The following ACO1 variants were observed in gnomAD, a reference collection of about 807,000 sequenced individuals.
ACO1 encodes the protein cytoplasmic aconitate hydratase.
Under a neutral mutation model 105.1 loss-of-function variants are expected in ACO1, and 78 were observed. That is an observed-to-expected ratio of 0.74 (90% CI 0.62 to 0.90). The LOEUF is 0.90. Among genes scored for constraint, ACO1 ranks in the 40% least tolerant of loss-of-function variants. The probability of loss-of-function intolerance (pLI) is 0.00; values close to 1 mark genes in which losing one functional copy is unlikely to be tolerated. For synonymous variants in ACO1, 364 were observed against 397.4 expected (o/e 0.92, Z 1.00); for missense variants, 965 against 1,111.1 (o/e 0.87, Z 1.87).
At chr9:32,415,676 T>A (rs900731986) in intron 4 of ACO1, among the ~76,000 whole-genome samples, 3 of 152,148 alleles carry the variant, frequency 2.0e-5, no homozygotes, top group African/African-American at 7.2e-5. Context: ...CTGATGCCGG[T>A]GTCGGTGCAG....
intron 1 of ACO1, among the ~76,000 whole-genome samples, chr9:32,388,965 C>G (rs912220803): frequency 2.0e-5 from 3 of 152,086 alleles, no homozygotes; most frequent in Non-Finnish European, 4.4e-5. Flanking sequence ...CAGCTCTGAA[C>G]TTGTATATAT....
Position 32,384,731 on chromosome 9 carries a change from C to T in ACO1, c.-27C>T, listed in dbSNP as rs1406601612. The stretch of plus-strand genomic sequence containing the variant: ...GGTCGCGGGAGCCCCGCCGTGCAGT[C>T]GGAGGTGAGTACCGACGCGGCCCGA... On this transcript the variant is annotated 5_prime_UTR_variant, in exon 1 of 21. Coordinates refer to ENST00000309951, the MANE Select transcript of ACO1 (RefSeq NM_002197.3). 1 of 405,100 alleles carries T rather than the reference C, an allele frequency of 2.5e-6. No individual in the cohort carries two copies. The allele number at this position is 405,100 out of a possible 1,614,324, so 25.1% of individuals were successfully genotyped here.
At chr9:32,428,843 CA>C (rs112618859) in intron 12 of ACO1, among the ~76,000 whole-genome samples, 58 of 142,098 alleles carry the variant, frequency 4.1e-4, no homozygotes, top group Middle Eastern at 3.6e-3. Context: ...GACTCCGTCT[CA>C]AAAAAAAAAA....
At chr9:32,432,908 A>G (rs1274658836) in intron 15 of ACO1, among the ~76,000 whole-genome samples, 1 of 152,144 alleles carries the variant, frequency 6.6e-6, no homozygotes, top group South Asian at 2.1e-4. Flanking sequence ...AGGAGGGTCC[A>G]CTTAGGCTCA....
rs1822723197 is a variant in ACO1 at position 32,450,047 on chromosome 9, T to C, written c.2606T>C (p.Val869Ala). Residue 869 changes from valine to alanine, a missense_variant, in exon 21 of 21, where the codon GTG becomes GCG. Physicochemically the swap from Val to Ala is moderately conservative, Grantham distance 64 (BLOSUM62 0). Transcript: ENST00000309951. ...GCTGTCATGAGGTTTGACACTGATGTGGAGCTCACTTATTTCCTCAACGGG... is the reference window on the plus strand; with the variant it reads ...GCTGTCATGAGGTTTGACACTGATGCGGAGCTCACTTATTTCCTCAACGGG... ...FQAVMRFDTD[V>A]ELTYFLNGGI... 2 of 1,613,998 alleles carry C rather than the reference T, an allele frequency of 1.2e-6. No homozygotes were observed. The highest frequency in any genetic ancestry group is 1.7e-6 in the Non-Finnish European group (2 of 1,180,032).
At chr9:32,404,835 A>C (rs376754020) in intron 1 of ACO1, among the ~76,000 whole-genome samples, 4 of 152,370 alleles carry the variant, frequency 2.6e-5, no homozygotes, top group African/African-American at 9.6e-5. Context: ...AACGTGTGTC[A>C]GAATCACCTA....
At position 32,453,325 on chromosome 9, in the gene ACO1, T is replaced by G. The variant is rs1043504152; in HGVS notation, c.*3214T>G. 7.4e-5 allele frequency: 11 copies of G among 148,934 alleles called. No individual in the cohort carries two copies. Among genetic ancestry groups the G allele is most frequent in the African/African-American group, 2.7e-4 (11 of 40,300 alleles). The allele number at this position is 148,934 out of a possible 1,614,324, so 9.2% of individuals were successfully genotyped here. ...AGATATATTAGGCATGAATCTTAGC[T>G]GTGGTAGAAGCACAGCTCAAATTAG... is the stretch of plus-strand genomic sequence containing the variant. On this transcript the variant is annotated 3_prime_UTR_variant, in exon 21 of 21. Transcript: ENST00000309951.
chr9:32,426,055 G>T, intron 11 of ACO1, 58 bp downstream of exon 11: 3 of 1,570,470 alleles, frequency 1.9e-6, no homozygotes, highest in Non-Finnish European at 2.6e-6. Context: ...GAAATAGCCC[G>T]AGACAGGGCC....
At chr9:32,431,907 C>T in intron 15 of ACO1, 64 bp downstream of exon 15, 1 of 1,589,248 alleles carries the variant, frequency 6.3e-7, no homozygotes. Context: ...CCTTTGTGTC[C>T]TGTCTGCAGA....
Position 32,450,734 on chromosome 9 carries a change from CTTTT to C in ACO1, c.*624_*627del. Reference sequence around the variant, plus strand: ...CACATAAAAAGAAATGTGAAGTTTTCTTTTACTATCTTTTCATTTATCAAGCAGA... The same window carrying C: ...CACATAAAAAGAAATGTGAAGTTTTCACTATCTTTTCATTTATCAAGCAGA... On this transcript the variant is annotated 3_prime_UTR_variant, in exon 21 of 21. Transcript: ENST00000309951. The C allele has an allele frequency of 6.6e-6, 1 of 151,204 alleles. No homozygotes were observed. Among genetic ancestry groups the C allele is most frequent in the East Asian group, 1.9e-4 (1 of 5,158 alleles). The allele number at this position is 151,204 out of a possible 1,614,324, so 9.4% of individuals were successfully genotyped here. A position where few individuals can be genotyped will look rare whatever the true frequency, so the allele number is the denominator to read the frequency against.
chr9:32,407,649 G>A (rs74705949), intron 3 of ACO1, among the ~76,000 whole-genome samples: 114 of 152,218 alleles, frequency 7.5e-4, no homozygotes, highest in East Asian at 4.1e-3. Flanking sequence ...ACTGAAACAC[G>A]CCACTTTTTC....
In ACO1 at chr9:32,451,724, A is replaced by G. The variant is rs1435940674; in HGVS notation, c.*1613A>G. The G allele has an allele frequency of 6.6e-6, 1 of 152,234 alleles. No individual in the cohort carries two copies. The highest frequency in any genetic ancestry group is 1.5e-5 in the Non-Finnish European group (1 of 68,050). The allele number at this position is 152,234 out of a possible 1,614,324, so 9.4% of individuals were successfully genotyped here. A position where few individuals can be genotyped will look rare whatever the true frequency, so the allele number is the denominator to read the frequency against. On this transcript the variant is annotated 3_prime_UTR_variant, in exon 21 of 21. Transcript: ENST00000309951. ...AAGACAGGTTATTTAGCATCCCTGC[A>G]CTTGCGGTCCTGGGGATCTTATTTA...
rs775230073 is a variant in ACO1, at chr9:32,440,456, C to T, written c.2248-9C>T. The T allele has an allele frequency of 2.5e-6, 4 of 1,613,548 alleles. No individual in the cohort carries two copies. The highest frequency in any genetic ancestry group is 3.4e-6 in the Non-Finnish European group (4 of 1,179,674). ...CTGCATCTGTAAAACTTCCTTTTCT[C>T]TTCCTCAGCTTGATGTGTTTGATGC... is the stretch of plus-strand genomic sequence containing the variant. On this transcript the variant is annotated splice_polypyrimidine_tract_variant and intron_variant, in intron 18 of 20. Coordinates refer to ENST00000309951, the MANE Select transcript of ACO1 (RefSeq NM_002197.3).
chr9:32,405,590 G>A lies in ACO1; in HGVS notation c.84G>A (p.Glu28=). The A allele has an allele frequency of 1.2e-6, 2 of 1,610,928 alleles. No homozygotes were observed. Among genetic ancestry groups the A allele is most frequent in the Non-Finnish European group, 1.7e-6 (2 of 1,177,548 alleles). ...GKKFFNLNKL[E]DSRYGRLPFS... ...AATTCTTCAATTTGAATAAATTGGA[G>A]GATTCAAGATATGGTAGGTACATGG... The change falls in exon 2 of 21, where the codon GAG becomes GAA. Residue 28 remains glutamate (E), a synonymous_variant. Coordinates refer to ENST00000309951, the MANE Select transcript of ACO1 (RefSeq NM_002197.3).
chr9:32,400,905 A>G lies in ACO1; in HGVS notation c.-22-4580A>G, dbSNP rs115074714. Among the ~76,000 whole-genome samples the G allele has an allele frequency of 3.6e-3, 540 of 150,380 alleles. 4 individuals are homozygous for G. Among genetic ancestry groups the G allele is most frequent in the African/African-American group, 0.012 (496 of 41,176 alleles). On this transcript the variant is annotated intron_variant, in intron 1 of 20. Coordinates refer to ENST00000309951, the MANE Select transcript of ACO1 (RefSeq NM_002197.3). ...TCTTTTTTGTGCATTTGCATATGCA[A>G]TGGTGTGTGTGTATGAATGAATATA...
At chr9:32,405,264 CA>C (rs781638527) in intron 1 of ACO1, among the ~76,000 whole-genome samples, 1 of 152,196 alleles carries the variant, frequency 6.6e-6, no homozygotes, top group East Asian at 1.9e-4. Flanking sequence ...TGCTTCTCCC[CA>C]AAACTACCTC....
At chr9:32,418,655 C>A in intron 6 of ACO1, 144 bp downstream of exon 6, 1 of 939,262 alleles carries the variant, frequency 1.1e-6, no homozygotes, top group Non-Finnish European at 1.6e-6. Flanking sequence ...TTTTCCAGTG[C>A]CTAGAGAATC....
intron 12 of ACO1, 54 bp downstream of exon 12, chr9:32,427,490 G>A: frequency 1.2e-6 from 2 of 1,606,558 alleles, no homozygotes; most frequent in Middle Eastern, 1.7e-4. Flanking sequence ...TATCCCTCAT[G>A]TATCTTGCTG....
At chr9:32,392,142 A>AT (rs1039983748) in intron 1 of ACO1, among the ~76,000 whole-genome samples, 2 of 151,972 alleles carry the variant, frequency 1.3e-5, no homozygotes, top group African/African-American at 2.4e-5. Context: ...AATGAGATTT[A>AT]TTTTTTTTAA....
Sources: allele counts gnomAD v4.1 joint callset (sites outside exome capture counted in the v4.1 genomes callset), GRCh38; gene constraint gnomAD v4.1.1; transcripts MANE v1.5; gene names NCBI Gene and HGNC (gene_info 2026-07-23, HGNC 2026-07-21).